The following C20orf203 variants were observed in gnomAD, a reference collection of about 807,000 sequenced individuals.
C20orf203 encodes uncharacterized protein C20orf203.
In C20orf203, 16 loss-of-function variants were observed where a neutral mutation model predicts 15.9. The observed-to-expected ratio is 1.01, with a 90% CI of 0.68 to 1.53. C20orf203 has a LOEUF of 1.53. Ranked by LOEUF, C20orf203 falls within the 40% of genes most tolerant of loss-of-function variation. The probability of loss-of-function intolerance (pLI) is 0.00; values close to 1 mark genes in which losing one functional copy is unlikely to be tolerated. For missense variants in C20orf203, 263 were observed against 247.5 expected (o/e 1.06, Z -0.42); for synonymous variants, 98 against 97.2 (o/e 1.01, Z -0.05).
intron 1 of C20orf203, among the ~76,000 whole-genome samples, chr20:32,669,854 GA>G (rs1186647981): frequency 1.3e-5 from 2 of 152,228 alleles, no homozygotes; most frequent in Non-Finnish European, 2.9e-5. Flanking sequence ...AAACAAGAGT[GA>G]AAGGCAATCT....
intron 5 of C20orf203, among the ~76,000 whole-genome samples, chr20:32,636,612 G>C (rs1982144651): frequency 6.6e-6 from 1 of 152,158 alleles, no homozygotes; most frequent in South Asian, 2.1e-4. Context: ...CGCTCACTGA[G>C]CCCTGGAAGA....
At chr20:32,655,584 T>G (rs1187724080) in intron 1 of C20orf203, among the ~76,000 whole-genome samples, 1 of 152,054 alleles carries the variant, frequency 6.6e-6, no homozygotes, top group Non-Finnish European at 1.5e-5. Flanking sequence ...CCTGAGGTCA[T>G]GAGTTCAAGA....
intron 1 of C20orf203, among the ~76,000 whole-genome samples, chr20:32,664,303 AC>A (rs1031972707): frequency 7.2e-5 from 11 of 152,052 alleles, no homozygotes; most frequent in Non-Finnish European, 5.9e-5. Context: ...GTCTCCTCAT[AC>A]CCCCACCTCT....
chr20:32,672,144 A>G (rs1159090909), intron 1 of C20orf203, among the ~76,000 whole-genome samples: 1 of 152,008 alleles, frequency 6.6e-6, no homozygotes, highest in Non-Finnish European at 1.5e-5. Flanking sequence ...GTGAAACCCC[A>G]TCTCTACTAA....
At chr20:32,639,053 A>C (rs1363083947) in intron 5 of C20orf203, among the ~76,000 whole-genome samples, 1 of 152,194 alleles carries the variant, frequency 6.6e-6, no homozygotes, top group South Asian at 2.1e-4. Flanking sequence ...ACAAGCCCCA[A>C]CTATCTGGCT....
In C20orf203 at chr20:32,667,976, C is replaced by T. The variant is rs369824857; in HGVS notation, c.-264+5656G>A. On this transcript the variant is annotated intron_variant, in intron 1 of 5. Transcript: ENST00000608990. ...GAGCCACGGCGCCAGGCCTAGAAATCTTCTAGCCACTCAGTATCATACAGT... is the reference window on the plus strand; with the variant it reads ...GAGCCACGGCGCCAGGCCTAGAAATTTTCTAGCCACTCAGTATCATACAGT... Among the ~76,000 whole-genome samples the T allele has an allele frequency of 1.1e-3, 160 of 152,232 alleles. 1 individual carries two copies. The East Asian group carries it at 0.019, about 18-fold the overall frequency.
intron 4 of C20orf203, among the ~76,000 whole-genome samples, chr20:32,643,424 C>G (rs1426043037): frequency 6.6e-6 from 1 of 152,200 alleles, no homozygotes; most frequent in African/African-American, 2.4e-5. Context: ...CATTTAACTT[C>G]TTTGAACCCC....
chr20:32,661,950 C>T (rs1982900260), intron 1 of C20orf203, among the ~76,000 whole-genome samples: 1 of 152,202 alleles, frequency 6.6e-6, no homozygotes, highest in Non-Finnish European at 1.5e-5. Context: ...GCGTAAGGCC[C>T]ATTTCCCAGC....
At chr20:32,648,990 C>G (rs1476045701) in intron 4 of C20orf203, among the ~76,000 whole-genome samples, 7 of 152,208 alleles carry the variant, frequency 4.6e-5, no homozygotes, top group Admixed American at 3.9e-4. Context: ...CTGCCTCCCC[C>G]ATGAGGAGGC....
chr20:32,653,954 G>T (rs1210310284), intron 1 of C20orf203, among the ~76,000 whole-genome samples: 1 of 152,022 alleles, frequency 6.6e-6, no homozygotes, highest in South Asian at 2.1e-4. Flanking sequence ...TTAGCCAGGC[G>T]TGGTGGTGTG....
At chr20:32,640,813 C>A (rs914554026) in intron 4 of C20orf203, 126 bp from the exon 5 acceptor site, 1 of 152,286 alleles carries the variant, frequency 6.6e-6, no homozygotes, top group African/African-American at 2.4e-5. Context: ...GAACCCCCCT[C>A]TCCAGACCTA....
chr20:32,666,797 T>TTATTTATATATATATATATA (rs1983041222), intron 1 of C20orf203, among the ~76,000 whole-genome samples: 1 of 65,594 alleles, frequency 1.5e-5, no homozygotes, highest in Non-Finnish European at 3.6e-5. Context: ...TAATTTTAAT[T>TTATTTATATATATATATATA]TATATATATA....
intron 4 of C20orf203, among the ~76,000 whole-genome samples, chr20:32,644,177 G>T (rs756965058): frequency 6.6e-6 from 1 of 152,236 alleles, no homozygotes. Context: ...GCCAGGCACC[G>T]TGGCTTACGC....
rs1041433837 is a variant in C20orf203 at position 32,673,793 on chromosome 20, G to C, written c.-425C>G. On this transcript the variant is annotated 5_prime_UTR_variant, in exon 1 of 6. Transcript: ENST00000608990. ...GACGCAAAGCAGAGAGCCCGCCAGC[G>C]TAGCCACTCAGAGCTGAGTGGTGGT... 3.9e-5 allele frequency: 6 copies of C among 152,382 alleles called. 1 individual carries two copies. The highest frequency in any genetic ancestry group is 1.2e-4 in the African/African-American group (5 of 41,580). 9.4% of individuals were successfully genotyped at this position (152,382 alleles called of 1,614,324 possible). A position where few individuals can be genotyped will look rare whatever the true frequency, so the allele number is the denominator to read the frequency against.
rs889153688 is a variant in C20orf203, at chr20:32,632,138, C to T, written c.*3432G>A. The T allele has an allele frequency of 6.6e-5, 10 of 152,264 alleles. No homozygotes were observed. The highest frequency in any genetic ancestry group is 2.4e-4 in the African/African-American group (10 of 41,462). 9.4% of individuals were successfully genotyped at this position (152,264 alleles called of 1,614,324 possible). Reference sequence around the variant, plus strand: ...CGCGTGGAACCCAGAGCAGTCTCCCCAGCCTGGGCTTGCATTTGAGCCTCA... The same window carrying T: ...CGCGTGGAACCCAGAGCAGTCTCCCTAGCCTGGGCTTGCATTTGAGCCTCA... On this transcript the variant is annotated 3_prime_UTR_variant, in exon 6 of 6. Transcript: ENST00000608990.
At chr20:32,667,886 G>A (rs926676885) in intron 1 of C20orf203, among the ~76,000 whole-genome samples, 1 of 152,086 alleles carries the variant, frequency 6.6e-6, no homozygotes, top group Non-Finnish European at 1.5e-5. Context: ...AGCCAGGATG[G>A]TCTCGATCTC....
At chr20:32,652,461 G>C (rs1982659615) in intron 1 of C20orf203, among the ~76,000 whole-genome samples, 1 of 151,880 alleles carries the variant, frequency 6.6e-6, no homozygotes, top group South Asian at 2.1e-4. Flanking sequence ...CAATTTGCAA[G>C]GCAAAGGTTT....
chr20:32,669,523 AC>A (rs761158883), intron 1 of C20orf203, among the ~76,000 whole-genome samples: 9 of 152,196 alleles, frequency 5.9e-5, no homozygotes, highest in Non-Finnish European at 1.0e-4. Flanking sequence ...ACTCTGGGGA[AC>A]CTGCAAAGGA....
intron 1 of C20orf203, among the ~76,000 whole-genome samples, chr20:32,667,892 A>G (rs6119926): frequency 0.28 from 43,187 of 151,982 alleles, 6,707 homozygotes; most frequent in Middle Eastern, 0.37. Flanking sequence ...GATGGTCTCG[A>G]TCTCCTGACC....
Sources: allele counts gnomAD v4.1 joint callset (sites outside exome capture counted in the v4.1 genomes callset), GRCh38; gene constraint gnomAD v4.1.1; transcripts MANE v1.5; gene names NCBI Gene and HGNC (gene_info 2026-07-23, HGNC 2026-07-21).